The following COPG2 variants were observed in gnomAD, a reference collection of about 807,000 sequenced individuals.
The protein encoded by COPG2 is coat protein complex I subunit gamma 2, also known as coatomer subunit gamma-2.
In COPG2, 37 loss-of-function variants were observed where a neutral mutation model predicts 46.3. The ratio of observed to expected loss-of-function variants is 0.80; its 90% CI spans 0.61 to 1.05. The LOEUF (loss-of-function observed/expected upper bound fraction) is 1.05. COPG2 is among the 50% of genes least tolerant of loss of function. The probability of loss-of-function intolerance (pLI) is 0.00; values close to 1 mark genes in which losing one functional copy is unlikely to be tolerated. For synonymous variants in COPG2, 159 were observed against 129.7 expected, an observed-to-expected ratio of 1.23 and a Z score of -1.53; for missense variants, 427 against 387.8, an observed-to-expected ratio of 1.10 and a Z score of -0.85.
rs967030531 is a variant in COPG2, at chr7:130,545,137, T to C, written c.2149+2537A>G. On this transcript the variant is annotated intron_variant, in intron 20 of 23. Coordinates refer to ENST00000425248, the MANE Select transcript of COPG2 (RefSeq NM_012133.6). ...TAGAATTAAACACCAAAAGGTTCTA[T>C]GTGTCTGGCACCATGTGAAGCAACT... 3.3e-5 allele frequency among the ~76,000 whole-genome samples: 5 copies of C among 152,036 alleles called. No homozygotes were observed. In the East Asian group the frequency reaches 7.8e-4, roughly 24 times the overall value.
At chr7:130,547,435 T>C (rs1161008021) in intron 20 of COPG2, 1 of 368,060 alleles carries the variant, frequency 2.7e-6, no homozygotes, top group Non-Finnish European at 4.8e-6. Flanking sequence ...AGTTTCTCTT[T>C]TAAGATTAAG....
chr7:130,636,863 G>A (rs1795348202), intron 5 of COPG2, among the ~76,000 whole-genome samples: 1 of 152,130 alleles, frequency 6.6e-6, no homozygotes. Flanking sequence ...GCTGACACTT[G>A]TTTTTCCTTT....
intron 5 of COPG2, among the ~76,000 whole-genome samples, chr7:130,618,314 A>G (rs1554453196): frequency 1.3e-5 from 2 of 152,134 alleles, no homozygotes; most frequent in African/African-American, 4.8e-5. Context: ...GCCAAGGACT[A>G]TGAATTTTCC....
chr7:130,515,797 C>T (rs1286965520), intron 20 of COPG2, among the ~76,000 whole-genome samples: 3 of 152,050 alleles, frequency 2.0e-5, no homozygotes, highest in Non-Finnish European at 2.9e-5. Flanking sequence ...GTAAGCAGGC[C>T]AGTGAGGAAG....
At chr7:130,557,459 T>C (rs1031125883) in intron 12 of COPG2, among the ~76,000 whole-genome samples, 63 of 152,134 alleles carry the variant, frequency 4.1e-4, no homozygotes, top group Admixed American at 1.9e-3. Flanking sequence ...CAACAGAAAA[T>C]GTCAACAGGG....
intron 5 of COPG2, among the ~76,000 whole-genome samples, chr7:130,620,025 C>G (rs1313136128): frequency 6.6e-6 from 1 of 152,106 alleles, no homozygotes; most frequent in Non-Finnish European, 1.5e-5. Context: ...GTCAGTCATT[C>G]TGTTACAATT....
At chr7:130,629,890 A>T (rs1468003248) in intron 5 of COPG2, among the ~76,000 whole-genome samples, 1 of 149,256 alleles carries the variant, frequency 6.7e-6, no homozygotes, top group African/African-American at 2.5e-5. Context: ...ACTGTTTTTA[A>T]TTACTAGCAT....
In COPG2 at chr7:130,662,995, G is replaced by A; in HGVS notation, c.215C>T (p.Ala72Val). 6.4e-7 allele frequency: 1 copy of A among 1,550,418 alleles called. No individual in the cohort carries two copies. The highest frequency in any genetic ancestry group is 8.7e-7 in the Non-Finnish European group (1 of 1,149,276). The change falls in exon 4 of 24, where the codon GCA (alanine) becomes GTA (valine). Residue 72 changes from alanine (A) to valine (V), a missense_variant. By Grantham distance (64) the Ala-to-Val change is moderately conservative. Transcript: ENST00000425248. ...ATTAGATTGAAACAATCGCGTCATTGCAAAGAAGGCTTCTGTAGCTTCCGT... is the reference window on the plus strand; with the variant it reads ...ATTAGATTGAAACAATCGCGTCATTACAAAGAAGGCTTCTGTAGCTTCCGT... The part of the protein sequence containing the change: ...GTTEATEAFF[A>V]MTRLFQSNDQ...
At chr7:130,629,533 T>A (rs1261128865) in intron 5 of COPG2, among the ~76,000 whole-genome samples, 1 of 151,586 alleles carries the variant, frequency 6.6e-6, no homozygotes, top group Admixed American at 6.6e-5. Context: ...TAGCTGGGAC[T>A]ACAGGCACAT....
At chr7:130,522,126 T>G (rs1460504503) in intron 20 of COPG2, among the ~76,000 whole-genome samples, 1 of 152,054 alleles carries the variant, frequency 6.6e-6, no homozygotes, top group African/African-American at 2.4e-5. Context: ...GTAAACAGAT[T>G]ATAGTGGCAC....
intron 20 of COPG2, among the ~76,000 whole-genome samples, chr7:130,521,927 A>G (rs1281494340): frequency 1.3e-5 from 2 of 152,210 alleles, no homozygotes; most frequent in African/African-American, 4.8e-5. Context: ...GAAAAAGGCA[A>G]AAACAAAAAA....
chr7:130,649,765 T>C (rs1413348564), intron 5 of COPG2, among the ~76,000 whole-genome samples: 1 of 152,222 alleles, frequency 6.6e-6, no homozygotes, highest in African/African-American at 2.4e-5. Flanking sequence ...ATCTTGCACC[T>C]CAAAATTCTT....
At chr7:130,661,893 A>T (rs1421806599) in intron 4 of COPG2, among the ~76,000 whole-genome samples, 5 of 152,228 alleles carry the variant, frequency 3.3e-5, no homozygotes, top group African/African-American at 1.2e-4. Context: ...AAAGCCTTAT[A>T]TCATGTGGCT....
rs781947656 is a variant in COPG2 at position 130,668,671 on chromosome 7, T to G, written c.-3A>C. On this transcript the variant is annotated 5_prime_UTR_variant, in exon 1 of 24. Coordinates refer to ENST00000425248, the MANE Select transcript of COPG2 (RefSeq NM_012133.6). ...TTCTTGTCGAATTTTTTAATCATCT[T>G]GGACGACTTCCCAGCGCCCAGACCC... 9.1e-6 allele frequency: 14 copies of G among 1,540,748 alleles called. No homozygotes were observed. The highest frequency in any genetic ancestry group is 9.6e-6 in the Non-Finnish European group (11 of 1,145,524).
At chr7:130,598,233 C>A (rs1554449948) in intron 9 of COPG2, among the ~76,000 whole-genome samples, 1 of 152,116 alleles carries the variant, frequency 6.6e-6, no homozygotes, top group African/African-American at 2.4e-5. Context: ...TATTACCCAG[C>A]AGTACACCTG....
chr7:130,578,818 A>G (rs1204056394), intron 9 of COPG2, among the ~76,000 whole-genome samples: 2 of 149,664 alleles, frequency 1.3e-5, no homozygotes, highest in Non-Finnish European at 3.0e-5. Context: ...AAAAGAAATG[A>G]GCAAAGCCTC....
At position 130,523,507 on chromosome 7, in the gene COPG2, G is replaced by A. The variant is rs917553958; in HGVS notation, c.2150-14848C>T. Among the ~76,000 whole-genome samples, 10 of 152,300 alleles carry A rather than the reference G, an allele frequency of 6.6e-5. No homozygotes were observed. The South Asian group carries it at 1.4e-3, about 22-fold the overall frequency. ...GATACGTGGAGTGCGAGGGGAAGAC[G>A]CACGTGCAGTGGGGCTGATGGAGGC... On this transcript the variant is annotated intron_variant, in intron 20 of 23. Coordinates refer to ENST00000425248, the MANE Select transcript of COPG2 (RefSeq NM_012133.6).
At chr7:130,619,645 T>C (rs1281928303) in intron 5 of COPG2, among the ~76,000 whole-genome samples, 1 of 152,208 alleles carries the variant, frequency 6.6e-6, no homozygotes, top group Non-Finnish European at 1.5e-5. Context: ...TCACTGGTAA[T>C]TCATTTCCTG....
intron 20 of COPG2, among the ~76,000 whole-genome samples, chr7:130,525,972 T>A (rs1799770602): frequency 6.6e-6 from 1 of 151,966 alleles, no homozygotes; most frequent in Non-Finnish European, 1.5e-5. Context: ...CTGGACAGCC[T>A]GAATGGGTAA....
Sources: gnomAD v4.1 joint callset for allele counts (sites outside exome capture counted in the v4.1 genomes callset) on GRCh38, gnomAD v4.1.1 for gene constraint, MANE v1.5 for transcripts, NCBI Gene and HGNC (gene_info 2026-07-23, HGNC 2026-07-21) for gene names.